The following WIPF2 variants were observed in gnomAD, a reference collection of about 807,000 sequenced individuals.
The protein encoded by WIPF2 is WAS/WASL interacting protein family member 2.
A neutral mutation model predicts 38.8 loss-of-function variants in WIPF2; 23 were observed. The observed-to-expected ratio is 0.59, with a 90% CI of 0.43 to 0.84. WIPF2 has a LOEUF of 0.84. WIPF2 is among the 40% of genes least tolerant of loss of function. WIPF2 has a pLI of 0.00. For synonymous variants in WIPF2, 210 were observed against 223.2 expected (o/e 0.94, Z 0.53); for missense variants, 574 against 580.5 (o/e 0.99, Z 0.11).
intron 1 of WIPF2, among the ~76,000 whole-genome samples, chr17:40,241,892 C>G (rs2031203719): frequency 6.6e-6 from 1 of 152,172 alleles, no homozygotes; most frequent in Non-Finnish European, 1.5e-5. Flanking sequence ...GTGTTTGCAG[C>G]TGCTCCTTGG....
intron 1 of WIPF2, among the ~76,000 whole-genome samples, chr17:40,235,569 CTT>C (rs777748624): frequency 7.3e-4 from 88 of 119,854 alleles, no homozygotes; most frequent in East Asian, 2.0e-3. Context: ...GAGAGTGAGA[CTT>C]TTTTTTTTTT....
intron 1 of WIPF2, among the ~76,000 whole-genome samples, chr17:40,251,020 TCTC>T (rs1232917041): frequency 6.6e-6 from 1 of 150,960 alleles, no homozygotes; most frequent in Non-Finnish European, 1.5e-5. Context: ...TTCATGCTAT[TCTC>T]CTGCCTCAGC....
intron 2 of WIPF2, among the ~76,000 whole-genome samples, 174 bp from the exon 3 acceptor site, chr17:40,260,361 A>G (rs1294295503): frequency 1.3e-5 from 2 of 151,102 alleles, no homozygotes; most frequent in Admixed American, 1.3e-4. Context: ...AAGTTTTTGT[A>G]TTTTTAGTAG....
chr17:40,220,876 G>T (rs961504590), intron 1 of WIPF2, among the ~76,000 whole-genome samples: 1 of 148,914 alleles, frequency 6.7e-6, no homozygotes, highest in African/African-American at 2.5e-5. Context: ...CCGGGTTCAC[G>T]CCCATTCTTC....
In WIPF2 at chr17:40,227,274, C is replaced by T. The variant is rs903216249; in HGVS notation, c.-70+7782C>T. On this transcript the variant is annotated intron_variant, in intron 1 of 7. Transcript: ENST00000323571. ...CAGGCTGGTCTCAAACTCCTGACCT[C>T]GTGATCTGCCTGCCTCGGCCTTCCA... is the stretch of plus-strand genomic sequence containing the variant. Among the ~76,000 whole-genome samples the T allele has an allele frequency of 3.3e-5, 5 of 151,424 alleles. No individual in the cohort carries two copies. In the East Asian group the frequency reaches 5.9e-4, roughly 18 times the overall value.
At chr17:40,239,372 T>C (rs1178124988) in intron 1 of WIPF2, among the ~76,000 whole-genome samples, 3 of 152,034 alleles carry the variant, frequency 2.0e-5, no homozygotes. Flanking sequence ...CGCCCAGCCT[T>C]GGCTTCTGTT....
At chr17:40,254,331 A>G (rs1354472464) in intron 1 of WIPF2, among the ~76,000 whole-genome samples, 2 of 152,080 alleles carry the variant, frequency 1.3e-5, no homozygotes, top group Non-Finnish European at 2.9e-5. Flanking sequence ...AATCTTATTA[A>G]TAACCTTGCT....
chr17:40,278,068 T>TC, intron 7 of WIPF2, 117 bp from the exon 8 acceptor site: 2 of 1,202,878 alleles, frequency 1.7e-6, no homozygotes, highest in South Asian at 1.4e-5. Context: ...TAACACGTAG[T>TC]CCCCAGATTT....
intron 5 of WIPF2, 129 bp from the exon 6 acceptor site, chr17:40,273,661 A>AGGACAAAG: frequency 1.6e-6 from 1 of 611,890 alleles, no homozygotes; most frequent in Non-Finnish European, 3.0e-6. Context: ...TCAAGTAATA[A>AGGACAAAG]GGACAAAGGG....
At chr17:40,260,078 T>C (rs1429535806) in intron 2 of WIPF2, among the ~76,000 whole-genome samples, 1 of 151,924 alleles carries the variant, frequency 6.6e-6, no homozygotes, top group South Asian at 2.1e-4. Flanking sequence ...TAATGCACAT[T>C]GATATTGCTC....
chr17:40,224,093 C>G (rs768570755), intron 1 of WIPF2, among the ~76,000 whole-genome samples: 1 of 151,748 alleles, frequency 6.6e-6, no homozygotes, highest in Non-Finnish European at 1.5e-5. Flanking sequence ...TAAAAACCTG[C>G]TTAATATTAT....
chr17:40,277,739 T>TTTTTTTTTTTTTTTTTTTTTTC (rs1214706671), intron 7 of WIPF2, among the ~76,000 whole-genome samples: 9 of 147,332 alleles, frequency 6.1e-5, no homozygotes, highest in African/African-American at 1.8e-4. Flanking sequence ...TTTTTTTTTT[T>TTTTTTTTTTTTTTTTTTTTTTC]TTTGAGATAG....
chr17:40,238,146 C>A (rs1457810474), intron 1 of WIPF2, among the ~76,000 whole-genome samples: 1 of 151,618 alleles, frequency 6.6e-6, no homozygotes, highest in East Asian at 2.0e-4. Context: ...CGTGAGCCAC[C>A]ACCCCTGTCT....
At chr17:40,273,193 C>T (rs555672074) in intron 5 of WIPF2, among the ~76,000 whole-genome samples, 44 of 152,154 alleles carry the variant, frequency 2.9e-4, no homozygotes, top group African/African-American at 9.9e-4. Flanking sequence ...GCCACCACAC[C>T]GGGCTAATTT....
In WIPF2 at chr17:40,277,723, C is replaced by CTTTTTTTTTTTTTTTT. The variant is rs528401568; in HGVS notation, c.1283-458_1283-443dup. Reference sequence around the variant, plus strand: ...ATTGCTTCTCATCATCTTCGTTGTCCTTTTTTTTTTTTTTTTTTTGAGATA... The same window carrying CTTTTTTTTTTTTTTTT: ...ATTGCTTCTCATCATCTTCGTTGTCCTTTTTTTTTTTTTTTTTTTTTTTTTTTTTTTTTTTGAGATA... On this transcript the variant is annotated intron_variant, in intron 7 of 7. Transcript: ENST00000323571. 4.4e-4 allele frequency among the ~76,000 whole-genome samples: 43 copies of CTTTTTTTTTTTTTTTT among 97,610 alleles called. 6 individuals carry two copies. The highest frequency in any genetic ancestry group is 1.3e-3 in the African/African-American group (24 of 17,934). The allele number at this position is 97,610 out of a possible 152,430, so 64.0% of individuals were successfully genotyped here.
At chr17:40,234,460 AC>A (rs951237034) in intron 1 of WIPF2, among the ~76,000 whole-genome samples, 10 of 152,112 alleles carry the variant, frequency 6.6e-5, no homozygotes, top group African/African-American at 1.2e-4. Context: ...AACAAAAAAA[AC>A]AACCGGAAAT....
chr17:40,262,967 G>A (rs958038829), intron 4 of WIPF2, among the ~76,000 whole-genome samples: 1 of 152,134 alleles, frequency 6.6e-6, no homozygotes, highest in Non-Finnish European at 1.5e-5. Context: ...CACAAATACT[G>A]CATGATCTCA....
Position 40,246,059 on chromosome 17 carries a change from C to T in WIPF2, c.-69-10332C>T, listed in dbSNP as rs1469812475. Among the ~76,000 whole-genome samples, 3 of 151,802 alleles carry T rather than the reference C, an allele frequency of 2.0e-5. No homozygotes were observed. The East Asian group carries it at 5.8e-4, about 29-fold the overall frequency. On this transcript the variant is annotated intron_variant, in intron 1 of 7. Coordinates refer to ENST00000323571, the MANE Select transcript of WIPF2 (RefSeq NM_133264.5). ...CCATTCCTTGCTGCATTTTCCTCCACCCAGACTTGCTTGCTCTTTTAGACA... is the reference window on the plus strand; with the variant it reads ...CCATTCCTTGCTGCATTTTCCTCCATCCAGACTTGCTTGCTCTTTTAGACA...
chr17:40,228,353 A>G (rs984723149), intron 1 of WIPF2, among the ~76,000 whole-genome samples: 22 of 152,104 alleles, frequency 1.4e-4, no homozygotes, highest in East Asian at 3.9e-4. Context: ...CCTATCAGCA[A>G]TAAAGATACT....
Sources: allele counts gnomAD v4.1 joint callset (sites outside exome capture counted in the v4.1 genomes callset), GRCh38; gene constraint gnomAD v4.1.1; transcripts MANE v1.5; gene names NCBI Gene and HGNC (gene_info 2026-07-23, HGNC 2026-07-21).